Variants in WWOX observed in about 807,000 individuals in gnomAD.
WWOX encodes the protein WW domain containing oxidoreductase.
Under a neutral mutation model 46.2 loss-of-function variants are expected in WWOX, and 69 were observed. That is an observed-to-expected ratio of 1.49 (90% CI 1.23 to 1.82). The LOEUF (loss-of-function observed/expected upper bound fraction) is 1.82, where lower values mean the gene tolerates loss of function less well. WWOX is among the 40% of genes most tolerant of loss of function. The pLI is 0.00. For missense variants in WWOX, 919 were observed against 542.6 expected, an observed-to-expected ratio of 1.69 and a Z score of -6.89; for synonymous variants, 359 against 202.6, an observed-to-expected ratio of 1.77 and a Z score of -6.56.
At chr16:78,248,764 A>T (rs1251083285) in intron 5 of WWOX, among the ~76,000 whole-genome samples, 1 of 152,000 alleles carries the variant, frequency 6.6e-6, no homozygotes, top group South Asian at 2.1e-4. Flanking sequence ...TTTGACACGA[A>T]ATTTGGTGGG....
intron 8 of WWOX, among the ~76,000 whole-genome samples, chr16:79,002,013 G>A (rs2047102651): frequency 6.6e-6 from 1 of 151,962 alleles, no homozygotes; most frequent in Admixed American, 6.6e-5. Context: ...TAGGGGTCTG[G>A]GGTAACCACA....
At chr16:78,819,296 A>C (rs4441290) in intron 8 of WWOX, among the ~76,000 whole-genome samples, 12 of 152,150 alleles carry the variant, frequency 7.9e-5, no homozygotes, top group Admixed American at 7.2e-4. Flanking sequence ...CTCCATAGAC[A>C]GGGCTTACAC....
intron 8 of WWOX, among the ~76,000 whole-genome samples, chr16:78,474,370 G>A (rs113680023): frequency 3.5e-4 from 53 of 152,254 alleles, no homozygotes; most frequent in Admixed American, 6.5e-4. Flanking sequence ...ATCTTACCCC[G>A]ATGCACTCTC....
chr16:79,047,599 T>C (rs1459665242), intron 8 of WWOX, among the ~76,000 whole-genome samples: 1 of 147,782 alleles, frequency 6.8e-6, no homozygotes, highest in Non-Finnish European at 1.5e-5. Flanking sequence ...TTTTGTGGCA[T>C]AAAATAACAC....
chr16:78,156,261 G>A (rs538503664), intron 4 of WWOX, among the ~76,000 whole-genome samples: 7 of 151,830 alleles, frequency 4.6e-5, no homozygotes, highest in South Asian at 2.1e-4. Flanking sequence ...GTCCTTTGCC[G>A]TGGGTTATTT....
chr16:78,784,333 A>G (rs983507147), intron 8 of WWOX, among the ~76,000 whole-genome samples: 11 of 152,124 alleles, frequency 7.2e-5, no homozygotes, highest in African/African-American at 2.7e-4. Context: ...GACCCTGATG[A>G]GATTACAGGT....
intron 8 of WWOX, among the ~76,000 whole-genome samples, chr16:78,700,141 C>T (rs1377724572): frequency 2.0e-5 from 3 of 151,444 alleles, no homozygotes. Context: ...TTAGTCAGTC[C>T]AGGCTGCTAT....
At chr16:79,025,856 C>T (rs898578724) in intron 8 of WWOX, among the ~76,000 whole-genome samples, 26 of 131,610 alleles carry the variant, frequency 2.0e-4, no homozygotes, top group African/African-American at 5.2e-4. Context: ...TGGAGTGCAA[C>T]GGCACAATCT....
intron 5 of WWOX, among the ~76,000 whole-genome samples, chr16:78,378,941 T>C (rs1009937428): frequency 2.0e-5 from 3 of 152,196 alleles, no homozygotes; most frequent in South Asian, 2.1e-4. Context: ...TCTTCAAGAA[T>C]ATGACGACAG....
chr16:78,558,307 T>A (rs991414646), intron 8 of WWOX, among the ~76,000 whole-genome samples: 8 of 152,272 alleles, frequency 5.3e-5, no homozygotes, highest in African/African-American at 1.9e-4. Flanking sequence ...AATTGCTGGC[T>A]TGTGGATGTC....
Position 78,496,602 on chromosome 16 carries a change from G to A in WWOX, c.1056+63850G>A, listed in dbSNP as rs988375997. Among the ~76,000 whole-genome samples, 3 of 152,192 alleles carry A rather than the reference G, an allele frequency of 2.0e-5. No individual in the cohort carries two copies. In the East Asian group the frequency reaches 5.8e-4, roughly 29 times the overall value. ...GGAAATGGATTTGTCCCATTACACT[G>A]CTTTCTTTAGTGCATAAGATCTTGA... is the stretch of plus-strand genomic sequence containing the variant. On this transcript the variant is annotated intron_variant, in intron 8 of 8. Transcript: ENST00000566780.
At position 78,406,024 on chromosome 16, in the gene WWOX, C is replaced by G. The variant is rs1399278533; in HGVS notation, c.606-18846C>G. On this transcript the variant is annotated intron_variant, in intron 6 of 8. Transcript: ENST00000566780. ...CTGGGGATCATGTTTCTCATTCCATCAATAGAATGACTAACATTTTCTGAG... is the reference window on the plus strand; with the variant it reads ...CTGGGGATCATGTTTCTCATTCCATGAATAGAATGACTAACATTTTCTGAG... 3.3e-5 allele frequency among the ~76,000 whole-genome samples: 5 copies of G among 152,154 alleles called. No homozygotes were observed. In the South Asian group the frequency reaches 1.0e-3, roughly 32 times the overall value.
At chr16:78,137,065 A>T (rs546620662) in intron 4 of WWOX, among the ~76,000 whole-genome samples, 1 of 152,190 alleles carries the variant, frequency 6.6e-6, no homozygotes, top group African/African-American at 2.4e-5. Context: ...AAGTTGGATC[A>T]GCTCCCTTGA....
At chr16:79,192,254 G>A (rs2051150944) in intron 8 of WWOX, among the ~76,000 whole-genome samples, 1 of 152,146 alleles carries the variant, frequency 6.6e-6, no homozygotes, top group South Asian at 2.1e-4. Context: ...TCCCTTTGGC[G>A]TGAAATGGGG....
At chr16:78,336,904 G>T (rs1815215) in intron 5 of WWOX, among the ~76,000 whole-genome samples, 2 of 151,970 alleles carry the variant, frequency 1.3e-5, no homozygotes, top group Non-Finnish European at 2.9e-5. Flanking sequence ...TCAGCCTCCT[G>T]AGTAGCTGGG....
intron 8 of WWOX, among the ~76,000 whole-genome samples, chr16:78,827,826 C>G (rs1233445982): frequency 6.6e-6 from 1 of 152,076 alleles, no homozygotes; most frequent in East Asian, 1.9e-4. Flanking sequence ...GGGCGGCAAG[C>G]AAGACACCAT....
intron 8 of WWOX, among the ~76,000 whole-genome samples, chr16:78,642,929 G>C (rs577230135): frequency 3.9e-5 from 6 of 152,296 alleles, no homozygotes; most frequent in African/African-American, 1.4e-4. Flanking sequence ...TGGGATGATA[G>C]CTTATAATAG....
At chr16:79,159,899 A>C (rs917156100) in intron 8 of WWOX, among the ~76,000 whole-genome samples, 1 of 152,094 alleles carries the variant, frequency 6.6e-6, no homozygotes, top group African/African-American at 2.4e-5. Context: ...TCCTCTTTGA[A>C]GAGGATCTTC....
At chr16:78,776,123 G>C (rs1314675210) in intron 8 of WWOX, among the ~76,000 whole-genome samples, 1 of 152,200 alleles carries the variant, frequency 6.6e-6, no homozygotes, top group African/African-American at 2.4e-5. Context: ...GGAAGTAAAA[G>C]GGAGAGAAGG....
Sources: gnomAD v4.1 joint callset for allele counts (sites outside exome capture counted in the v4.1 genomes callset) on GRCh38, gnomAD v4.1.1 for gene constraint, MANE v1.5 for transcripts, NCBI Gene and HGNC (gene_info 2026-07-23, HGNC 2026-07-21) for gene names.